Variants in KAZN observed in about 807,000 individuals in gnomAD.
KAZN encodes kazrin, periplakin interacting protein, also known as kazrin.
KAZN carries 40 observed loss-of-function variants against 87.4 expected under a neutral mutation model. That is an observed-to-expected ratio of 0.46 (90% CI 0.36 to 0.60). KAZN has a LOEUF of 0.60. Ranked by LOEUF, KAZN falls within the 20% of genes least tolerant of loss-of-function variation. The probability of loss-of-function intolerance (pLI) is 0.00; values close to 1 mark genes in which losing one functional copy is unlikely to be tolerated. For missense variants in KAZN, 898 were observed against 1,073.9 expected (o/e 0.84, Z 2.29); for synonymous variants, 466 against 458.3 (o/e 1.02, Z -0.22).
chr1:14,047,513 C>G (rs1642125871), intron 1 of KAZN, among the ~76,000 whole-genome samples: 1 of 152,178 alleles, frequency 6.6e-6, no homozygotes, highest in Non-Finnish European at 1.5e-5. Context: ...CTTCTTCTAC[C>G]TTAATGGCAC....
intron 1 of KAZN, chr1:13,893,772 T>A (rs921852636): frequency 6.5e-7 from 1 of 1,550,180 alleles, no homozygotes; most frequent in Admixed American, 2.0e-5. Flanking sequence ...AATTGCGTCG[T>A]GTGTCATGTG....
intron 2 of KAZN, among the ~76,000 whole-genome samples, chr1:14,553,684 G>A (rs28496747): frequency 0.23 from 34,459 of 152,044 alleles, 3,972 homozygotes; most frequent in Admixed American, 0.25. Context: ...TGGGCTTGGG[G>A]CTCCCAGGTG....
intron 1 of KAZN, among the ~76,000 whole-genome samples, chr1:13,948,692 C>CT (rs1364758491): frequency 6.6e-6 from 1 of 151,934 alleles, no homozygotes; most frequent in African/African-American, 2.4e-5. Context: ...ATGAACCGTT[C>CT]TTTTTTTTCT....
intron 2 of KAZN, among the ~76,000 whole-genome samples, chr1:14,477,892 T>C (rs1439562022): frequency 6.6e-6 from 1 of 152,150 alleles, no homozygotes; most frequent in African/African-American, 2.4e-5. Context: ...TCCTTCTTGC[T>C]CCCATGGAGT....
chr1:14,788,369 G>T (rs1294421332), intron 1 of KAZN, among the ~76,000 whole-genome samples: 1 of 152,166 alleles, frequency 6.6e-6, no homozygotes. Flanking sequence ...AGTAAGGCAG[G>T]GAAGATAAAT....
intron 2 of KAZN, among the ~76,000 whole-genome samples, chr1:14,402,178 A>G (rs1663469746): frequency 6.6e-6 from 1 of 151,992 alleles, no homozygotes; most frequent in South Asian, 2.1e-4. Context: ...TTTTAAACAC[A>G]AAATTTACAT....
intron 1 of KAZN, among the ~76,000 whole-genome samples, chr1:13,983,679 C>T (rs1001037573): frequency 6.6e-6 from 1 of 152,190 alleles, no homozygotes; most frequent in Non-Finnish European, 1.5e-5. Context: ...GAGGAGGTGC[C>T]GAGAGCGAGC....
intron 2 of KAZN, among the ~76,000 whole-genome samples, chr1:14,985,098 T>G (rs12044405): frequency 0.34 from 50,364 of 148,994 alleles, 11,243 homozygotes; most frequent in African/African-American, 0.64. Flanking sequence ...ATCATGCCAC[T>G]GCACTCCAGC....
chr1:14,564,896 T>G (rs1310954411), intron 2 of KAZN, among the ~76,000 whole-genome samples: 1 of 152,212 alleles, frequency 6.6e-6, no homozygotes, highest in African/African-American at 2.4e-5. Flanking sequence ...CTACAAGTGA[T>G]TATTTTTGTT....
chr1:14,324,356 C>A (rs886081888), intron 2 of KAZN, among the ~76,000 whole-genome samples: 20 of 152,148 alleles, frequency 1.3e-4, no homozygotes, highest in Admixed American at 2.6e-4. Flanking sequence ...AGAATCTCAA[C>A]GTCTTAAAAC....
intron 2 of KAZN, among the ~76,000 whole-genome samples, chr1:14,422,133 T>C (rs1382366426): frequency 1.3e-5 from 2 of 152,164 alleles, no homozygotes; most frequent in South Asian, 2.1e-4. Flanking sequence ...AAGAAGAAAA[T>C]AGGCAAATCG....
intron 1 of KAZN, among the ~76,000 whole-genome samples, chr1:14,877,232 T>C (rs1652869081): frequency 6.6e-6 from 1 of 152,140 alleles, no homozygotes; most frequent in Admixed American, 6.5e-5. Context: ...ATTGGCCCCA[T>C]TGTCTTCTAC....
intron 2 of KAZN, among the ~76,000 whole-genome samples, chr1:15,014,668 G>C (rs147850938): frequency 6.6e-6 from 1 of 152,102 alleles, no homozygotes; most frequent in Non-Finnish European, 1.5e-5. Flanking sequence ...CCTTCCTCCC[G>C]GGAAGAATCT....
chr1:13,896,738 C>T (rs56197565), intron 1 of KAZN, among the ~76,000 whole-genome samples: 13,629 of 152,216 alleles, frequency 0.09, 893 homozygotes, highest in East Asian at 0.37. Flanking sequence ...TTGCATAGTC[C>T]CTGGTGACAA....
intron 1 of KAZN, among the ~76,000 whole-genome samples, chr1:13,931,464 G>GTGCA (rs1553174971): frequency 6.6e-6 from 1 of 151,622 alleles, no homozygotes; most frequent in East Asian, 1.9e-4. Context: ...GTGTGTGTGT[G>GTGCA]TGCATGCGTG....
chr1:14,010,215 A>G (rs1189840228), intron 1 of KAZN, among the ~76,000 whole-genome samples: 1 of 152,148 alleles, frequency 6.6e-6, no homozygotes, highest in African/African-American at 2.4e-5. Context: ...AACACTTCAA[A>G]TAAAACCATC....
At chr1:15,098,853 C>G (rs531635355) in intron 10 of KAZN, among the ~76,000 whole-genome samples, 2 of 152,358 alleles carry the variant, frequency 1.3e-5, no homozygotes, top group Admixed American at 1.3e-4. Flanking sequence ...GAGACAAACA[C>G]TGGTGAGTGT....
chr1:14,971,365 G>A (rs1001033266), intron 2 of KAZN, among the ~76,000 whole-genome samples: 1 of 152,190 alleles, frequency 6.6e-6, no homozygotes, highest in African/African-American at 2.4e-5. Context: ...GCCGCGGCAC[G>A]CCAGCCTGGG....
chr1:14,324,612 A>G (rs1022704874), intron 2 of KAZN, among the ~76,000 whole-genome samples: 2 of 152,172 alleles, frequency 1.3e-5, no homozygotes, highest in Non-Finnish European at 2.9e-5. Context: ...TAATGGCCTT[A>G]TATGGCTTCA....
Sources: allele counts gnomAD v4.1 joint callset (sites outside exome capture counted in the v4.1 genomes callset), GRCh38; gene constraint gnomAD v4.1.1; transcripts MANE v1.5; gene names NCBI Gene and HGNC (gene_info 2026-07-23, HGNC 2026-07-21).